CELF2: variants seen among roughly 807,000 people sequenced by gnomAD.
The protein encoded by CELF2 is CUGBP Elav-like family member 2, also known as CUG triplet repeat RNA-binding protein 2.
In CELF2, 8 loss-of-function variants were observed where a neutral mutation model predicts 62.6. That is an observed-to-expected ratio of 0.13 (90% confidence interval 0.07 to 0.23). The LOEUF (loss-of-function observed/expected upper bound fraction) is 0.23. Among genes scored for constraint, CELF2 ranks in the 10% least tolerant of loss-of-function variants. The probability of loss-of-function intolerance (pLI) is 1.00; values close to 1 mark genes in which losing one functional copy is unlikely to be tolerated. For synonymous variants in CELF2, 258 were observed against 250.0 expected, an observed-to-expected ratio of 1.03 and a Z score of -0.30; for missense variants, 333 against 671.0, an observed-to-expected ratio of 0.50 and a Z score of 5.56.
intron 2 of CELF2, among the ~76,000 whole-genome samples, chr10:10,982,971 G>T (rs2052321221): frequency 1.3e-5 from 2 of 150,768 alleles, no homozygotes; most frequent in African/African-American, 4.9e-5. Context: ...CATTTAAATT[G>T]TCAAAAAGGA....
chr10:11,124,304 G>A (rs982832933), intron 1 of CELF2, among the ~76,000 whole-genome samples: 13 of 152,046 alleles, frequency 8.6e-5, no homozygotes, highest in African/African-American at 1.7e-4. Context: ...CAATGTAGTC[G>A]CTCTTATTAT....
At chr10:11,203,178 G>A (rs1000204263) in intron 2 of CELF2, among the ~76,000 whole-genome samples, 2 of 152,112 alleles carry the variant, frequency 1.3e-5, no homozygotes, top group African/African-American at 4.8e-5. Context: ...CATGCAGCAT[G>A]GGAACAATTG....
chr10:10,977,059 G>A (rs2051431818), intron 2 of CELF2, among the ~76,000 whole-genome samples: 1 of 152,072 alleles, frequency 6.6e-6, no homozygotes, highest in Non-Finnish European at 1.5e-5. Flanking sequence ...CTTCTGTCAG[G>A]AGCTCTGCCC....
At chr10:10,892,046 C>G (rs2062183865) in intron 1 of CELF2, among the ~76,000 whole-genome samples, 1 of 152,238 alleles carries the variant, frequency 6.6e-6, no homozygotes, top group African/African-American at 2.4e-5. Context: ...CATCAAGTAG[C>G]ACAAGCAATG....
intron 9 of CELF2, among the ~76,000 whole-genome samples, chr10:11,295,411 A>C (rs2093050124): frequency 1.3e-5 from 2 of 152,216 alleles, no homozygotes; most frequent in South Asian, 4.1e-4. Flanking sequence ...TTTAAGTATA[A>C]ATTGTAACTT....
chr10:10,782,180 T>C, the CELF2 span, among the ~76,000 whole-genome samples: 150 of 152,316 alleles, frequency 9.8e-4, no homozygotes, highest in African/African-American at 3.4e-3. Flanking sequence ...GGAAGAAATT[T>C]ATTATGAGAA....
At chr10:11,009,121 A>G (rs553991909) in intron 1 of CELF2, among the ~76,000 whole-genome samples, 1 of 151,996 alleles carries the variant, frequency 6.6e-6, no homozygotes, top group African/African-American at 2.4e-5. Context: ...TAGGAAAGAC[A>G]AGGCAGTGGT....
intron 2 of CELF2, chr10:10,922,897 T>C (rs2065055217): frequency 6.6e-6 from 1 of 152,204 alleles, no homozygotes; most frequent in Non-Finnish European, 1.5e-5. Flanking sequence ...GACATAGCCA[T>C]TGACAAATAT....
rs150032984 is a variant in CELF2 at position 10,965,444 on chromosome 10, G to A, written c.89+45445G>A. Among the ~76,000 whole-genome samples, 14 of 152,246 alleles carry A rather than the reference G, an allele frequency of 9.2e-5. No homozygotes were observed. In the East Asian group the frequency reaches 1.5e-3, roughly 17 times the overall value. ...TGGCCTAAAGATAGTAGATACATTC[G>A]ATCCCAAACTTGAGCATGGATTAGA... On this transcript the variant is annotated intron_variant, in intron 2 of 13. Transcript: ENST00000636488.
Position 10,936,666 on chromosome 10 carries a change from G to A in CELF2, c.89+16667G>A, listed in dbSNP as rs1180654275. ...TTGGTAACTTGTATCCCCCATCCCT[G>A]GGGACAAAATCTTCATTTCTAGCGT... On this transcript the variant is annotated intron_variant, in intron 2 of 13. Coordinates refer to the CELF2 transcript ENST00000636488. This position sits in a 1 kb window ranked among gnomAD's most constrained non-coding sequence, Gnocchi z 4.0. 2 of 152,186 alleles carry A rather than the reference G, an allele frequency of 1.3e-5. No individual in the cohort carries two copies. The highest frequency in any genetic ancestry group is 2.9e-5 in the Non-Finnish European group (2 of 68,034). The allele number at this position is 152,186 out of a possible 1,614,324, so 9.4% of individuals were successfully genotyped here. A position where few individuals can be genotyped will look rare whatever the true frequency, so the allele number is the denominator to read the frequency against.
chr10:11,185,929 G>C (rs2074746356), intron 2 of CELF2, among the ~76,000 whole-genome samples: 1 of 152,080 alleles, frequency 6.6e-6, no homozygotes, highest in Admixed American at 6.5e-5. Context: ...TTCTTTAGTT[G>C]TTTGGTAGAA....
At chr10:10,745,806 C>T in the CELF2 span, among the ~76,000 whole-genome samples, 3 of 152,182 alleles carry the variant, frequency 2.0e-5, no homozygotes, top group East Asian at 1.9e-4. Context: ...GTCATATCAC[C>T]GTTGGGAATT....
At chr10:10,530,905 G>A in the CELF2 span, among the ~76,000 whole-genome samples, 36,906 of 152,144 alleles carry the variant, frequency 0.24, 5,268 homozygotes, top group Non-Finnish European at 0.33. Context: ...TTACATAGGC[G>A]TAAACCAGAG....
chr10:10,483,838 A>C, the CELF2 span, among the ~76,000 whole-genome samples: 4 of 151,992 alleles, frequency 2.6e-5, no homozygotes, highest in South Asian at 8.3e-4. Context: ...CCTCTTGCAG[A>C]AAGCCTGCTT....
intron 2 of CELF2, among the ~76,000 whole-genome samples, chr10:11,205,802 C>T (rs77773691): frequency 0.033 from 5,007 of 152,284 alleles, 159 homozygotes; most frequent in African/African-American, 0.08. Flanking sequence ...ACATGAAATG[C>T]GACTCAGCTA....
At chr10:10,819,331 C>T (rs528505862) in intron 1 of CELF2, among the ~76,000 whole-genome samples, 7 of 152,248 alleles carry the variant, frequency 4.6e-5, no homozygotes, top group African/African-American at 9.6e-5. Flanking sequence ...TAAGGTCAGA[C>T]GCAGCGCTCT....
intron 1 of CELF2, among the ~76,000 whole-genome samples, chr10:11,060,787 T>G (rs561462387): frequency 6.6e-6 from 1 of 152,336 alleles, no homozygotes; most frequent in African/African-American, 2.4e-5. Flanking sequence ...TTTCAAACTT[T>G]ATTATAACTG....
chr10:10,547,300 G>A, the CELF2 span, among the ~76,000 whole-genome samples: 4 of 152,052 alleles, frequency 2.6e-5, no homozygotes, highest in Non-Finnish European at 5.9e-5. Flanking sequence ...CCACAGTGCC[G>A]AATGCCTAAT....
At chr10:10,887,107 T>C (rs2061801590) in intron 1 of CELF2, among the ~76,000 whole-genome samples, 1 of 152,034 alleles carries the variant, frequency 6.6e-6, no homozygotes, top group Admixed American at 6.6e-5. Context: ...CTAGAGCTAT[T>C]CCTTCCCAGA....
Sources: gnomAD v4.1 joint callset for allele counts (sites outside exome capture counted in the v4.1 genomes callset) on GRCh38, gnomAD v4.1.1 for gene constraint, Gnocchi (gnomAD v3.1) non-coding constraint, MANE v1.5 for transcripts, NCBI Gene and HGNC (gene_info 2026-07-23, HGNC 2026-07-21) for gene names.